KLHDC7B: variants seen among roughly 807,000 people sequenced by gnomAD.
The protein encoded by KLHDC7B is kelch domain containing 7B.
In KLHDC7B, 1 loss-of-function variant was observed where a neutral mutation model predicts 0.6. The ratio of observed to expected loss-of-function variants is 1.71; its 90% CI spans 0.61 to 8.11. The LOEUF (loss-of-function observed/expected upper bound fraction) is 8.11, where lower values mean the gene tolerates loss of function less well. Among genes scored for constraint, KLHDC7B ranks in the 30% most tolerant of loss-of-function variants. The pLI, the probability that KLHDC7B is intolerant of heterozygous loss-of-function variation, is 0.13. For synonymous variants in KLHDC7B, 462 were observed against 405.2 expected, an observed-to-expected ratio of 1.14 and a Z score of -1.68; for missense variants, 993 against 894.9, an observed-to-expected ratio of 1.11 and a Z score of -1.40.
Position 50,548,209 on chromosome 22 carries a change from C to T in KLHDC7B, c.43C>T (p.Gln15Ter). The T allele has an allele frequency of 6.5e-7, 1 of 1,547,486 alleles. No homozygotes were observed. The highest frequency in any genetic ancestry group is 8.7e-7 in the Non-Finnish European group (1 of 1,144,590). Reference sequence around the variant, plus strand: ...CCCCTTCCCCAGGCAAGACAGGCCCCAAGGGAGTGTCCCGAGGGCGGTTCC... The same window carrying T: ...CCCCTTCCCCAGGCAAGACAGGCCCTAAGGGAGTGTCCCGAGGGCGGTTCC... Residue 15 changes from glutamine to a stop codon, truncating the protein, a stop_gained, in exon 1 of 1, where the codon CAA becomes TAA. Transcript: ENST00000395676. LOFTEE classifies it low-confidence loss of function (END_TRUNC). This position sits in a 1 kb window ranked among gnomAD's most constrained non-coding sequence, Gnocchi z 5.3.
Position 50,548,614 on chromosome 22 carries a change from G to T in KLHDC7B, c.2371G>T (p.Ala791Ser), listed in dbSNP as rs2069761939. ...CTCGGAGCAGGAGGTCAGGCCGGCC[G>T]CCTCGGGGGACCCTCAAGGGGAGGC... ...PSSEQEVRPA[A>S]SGDPQGEAPG... Residue 791 changes from alanine to serine, a missense_variant, in exon 1 of 1, where the codon GCC (alanine) becomes TCC (serine). Transcript: ENST00000648057. This position sits in a 1 kb window ranked among gnomAD's most constrained non-coding sequence, Gnocchi z 5.3. 1 of 1,542,788 alleles carries T rather than the reference G, an allele frequency of 6.5e-7. No individual in the cohort carries two copies. Among genetic ancestry groups the T allele is most frequent in the South Asian group, 1.2e-5 (1 of 83,934 alleles).
chr22:50,547,798 G>A lies in KLHDC7B; in HGVS notation c.1555G>A (p.Ala519Thr). ...APTSAPTSTP[A>T]PAPSPAAAAT... ...AACCTCAGCTCCAACTTCAACCCCA[G>A]CCCCAGCCCCAAGTCCAGCTGCAGC... is the stretch of plus-strand genomic sequence containing the variant. Residue 519 changes from alanine to threonine, a missense_variant, in exon 1 of 1, where the codon GCC becomes ACC. Transcript: ENST00000648057. 4.4e-6 allele frequency: 2 copies of A among 454,424 alleles called. No homozygotes were observed. Among genetic ancestry groups the A allele is most frequent in the Non-Finnish European group, 7.7e-6 (2 of 260,164 alleles). The allele number at this position is 454,424 out of a possible 1,614,324, so 28.1% of individuals were successfully genotyped here. A position where few individuals can be genotyped will look rare whatever the true frequency, so the allele number is the denominator to read the frequency against.
chr22:50,546,609 TC>T, upstream of KLHDC7B: 1 of 397,324 alleles, frequency 2.5e-6, no homozygotes, highest in Non-Finnish European at 4.4e-6. Flanking sequence ...TGGCCCGGCT[TC>T]CACTCAAGAC....
At position 50,548,483 on chromosome 22, in the gene KLHDC7B, A is replaced by G; in HGVS notation, c.2240A>G (p.Gln747Arg). 1 of 1,571,806 alleles carries G rather than the reference A, an allele frequency of 6.4e-7. No homozygotes were observed. The highest frequency in any genetic ancestry group is 2.3e-5 in the East Asian group (1 of 43,210). ...PQAAMPRGPA[Q>R]PPAQRPPGPA... ...GCCGCGATGCCCAGGGGCCCCGCAC[A>G]GCCCCCCGCGCAGAGGCCGCCTGGC... Residue 747 changes from glutamine (Q) to arginine (R), a missense_variant, in exon 1 of 1, where the codon CAG (glutamine) becomes CGG (arginine). Physicochemically the swap from Gln to Arg is conservative, Grantham distance 43. Transcript: ENST00000648057. This position sits in a 1 kb window ranked among gnomAD's most constrained non-coding sequence, Gnocchi z 5.3.
chr22:50,546,766 C>T lies in KLHDC7B; in HGVS notation c.523C>T (p.Leu175Phe), dbSNP rs78322592. ...RSEAGGMSAP[L>F]LIHFTPRSPG... The stretch of plus-strand genomic sequence containing the variant: ...CGAAGCAGGGGGGATGTCCGCCCCC[C>T]TCCTGATCCACTTCACTCCTCGGAG... Residue 175 changes from leucine (L) to phenylalanine (F), a missense_variant, in exon 1 of 1, where the codon CTC (leucine) becomes TTC (phenylalanine). Leu to Phe is a conservative substitution (Grantham distance 22). Transcript: ENST00000648057. Among the ~76,000 whole-genome samples, 897 of 152,304 alleles carry T rather than the reference C, an allele frequency of 5.9e-3. 5 individuals are homozygous for T. The highest frequency in any genetic ancestry group is 0.024 in the Middle Eastern group (7 of 294).
At position 50,550,219 on chromosome 22, in the gene KLHDC7B, C is replaced by T; in HGVS notation, c.*268C>T. On this transcript the variant is annotated 3_prime_UTR_variant, in exon 1 of 1. Transcript: ENST00000648057. ...GACCCTCTCAGCTTGCTGACACCCC[C>T]CTGTCTGTGGGACTCCCTATTCCCT... 2.2e-6 allele frequency: 1 copy of T among 448,946 alleles called. No individual in the cohort carries two copies. Among genetic ancestry groups the T allele is most frequent in the African/African-American group, 2.0e-5 (1 of 49,804 alleles). The allele number at this position is 448,946 out of a possible 1,614,324, so 27.8% of individuals were successfully genotyped here.
Position 50,546,742 on chromosome 22 carries a change from G to A in KLHDC7B, c.499G>A (p.Glu167Lys), listed in dbSNP as rs960769542. 1.3e-5 allele frequency among the ~76,000 whole-genome samples: 2 copies of A among 152,164 alleles called. No individual in the cohort carries two copies. The highest frequency in any genetic ancestry group is 2.9e-5 in the Non-Finnish European group (2 of 68,000). The change falls in exon 1 of 1, where the codon GAA becomes AAA. Residue 167 changes from glutamate (E) to lysine (K), a missense_variant. Coordinates refer to ENST00000648057, the MANE Select transcript of KLHDC7B (RefSeq NM_138433.5). ...RPGTALLGRS[E>K]AGGMSAPLLI... ...AGGCACTGCCCTCCTGGGCAGGAGC[G>A]AAGCAGGGGGGATGTCCGCCCCCCT...
chr22:50,549,281 C>T lies in KLHDC7B; in HGVS notation c.3038C>T (p.Ser1013Phe). The T allele has an allele frequency of 6.2e-7, 1 of 1,612,148 alleles. No homozygotes were observed. Among genetic ancestry groups the T allele is most frequent in the South Asian group, 1.1e-5 (1 of 91,078 alleles). Residue 1013 changes from serine to phenylalanine, a missense_variant, in exon 1 of 1, where the codon TCC becomes TTC. Ser to Phe is a radical substitution (Grantham distance 155). Transcript: ENST00000648057. ...GGCTCCGGTGCCAAGGCCGTCTGCTCCAACGAGGTCTTCTGCTACAACCCT... is the reference window on the plus strand; with the variant it reads ...GGCTCCGGTGCCAAGGCCGTCTGCTTCAACGAGGTCTTCTGCTACAACCCT... Reference protein sequence around the residue: ...IRGSGAKAVCSNEVFCYNPLT... With the variant: ...IRGSGAKAVCFNEVFCYNPLT...
rs1162979768 is a variant in KLHDC7B, at chr22:50,548,288, C to T, written c.2045C>T (p.Pro682Leu). The change falls in exon 1 of 1, where the codon CCC becomes CTC. Residue 682 changes from proline (P) to leucine (L), a missense_variant. Coordinates refer to ENST00000648057, the MANE Select transcript of KLHDC7B (RefSeq NM_138433.5). The surrounding 1 kb of genome is among the most constrained non-coding windows in gnomAD (Gnocchi z 5.3). ...TSTHSEDRHG[P>L]SSSVGTVIGT... ...ACACACTCTGAGGACAGACACGGCC[C>T]CTCTTCTTCAGTGGGGACAGTCATA... 1 of 1,551,180 alleles carries T rather than the reference C, an allele frequency of 6.4e-7. No homozygotes were observed. Among genetic ancestry groups the T allele is most frequent in the South Asian group, 1.2e-5 (1 of 84,056 alleles).
Position 50,547,975 on chromosome 22 carries a change from G to A in KLHDC7B, c.1732G>A (p.Ala578Thr), listed in dbSNP as rs13053867. The A allele has an allele frequency of 4.7e-6, 1 of 213,968 alleles. No individual in the cohort carries two copies. The highest frequency in any genetic ancestry group is 6.8e-6 in the Non-Finnish European group (1 of 146,314). The allele number at this position is 213,968 out of a possible 1,614,324, so 13.3% of individuals were successfully genotyped here. A position where few individuals can be genotyped will look rare whatever the true frequency, so the allele number is the denominator to read the frequency against. ...AGCCCTAACCCCAGTCCCAACCCCAGCCCTAAGCCCAGCTCCAACTCCAGC... is the reference window on the plus strand; with the variant it reads ...AGCCCTAACCCCAGTCCCAACCCCAACCCTAAGCCCAGCTCCAACTCCAGC... ...SPALTPVPTP[A>T]LSPAPTPAPT... Residue 578 changes from alanine to threonine, a missense_variant, in exon 1 of 1, where the codon GCC becomes ACC. Transcript: ENST00000648057.
rs755486026 is a variant in KLHDC7B at position 50,549,243 on chromosome 22, G to C, written c.3000G>C (p.Ala1000=). 6.2e-7 allele frequency: 1 copy of C among 1,609,796 alleles called. No homozygotes were observed. The highest frequency in any genetic ancestry group is 8.5e-7 in the Non-Finnish European group (1 of 1,179,942). The change falls in exon 1 of 1, where the codon GCG becomes GCC. Residue 1000 remains alanine, a synonymous_variant. Coordinates refer to ENST00000648057, the MANE Select transcript of KLHDC7B (RefSeq NM_138433.5). The part of the protein sequence containing the change: ...LCTMHNYLFL[A]GGIRGSGAKA... The stretch of plus-strand genomic sequence containing the variant: ...CCATGCACAACTACCTGTTTCTGGC[G>C]GGGGGCATCCGTGGCTCCGGTGCCA...
chr22:50,547,543 G>A lies in KLHDC7B; in HGVS notation c.1300G>A (p.Ala434Thr), dbSNP rs2069745339. The A allele has an allele frequency of 7.5e-6, 3 of 399,036 alleles. No individual in the cohort carries two copies. The highest frequency in any genetic ancestry group is 1.3e-5 in the Non-Finnish European group (3 of 226,294). 24.7% of individuals were successfully genotyped at this position (399,036 alleles called of 1,614,324 possible). Residue 434 changes from alanine to threonine, a missense_variant, in exon 1 of 1, where the codon GCC (alanine) becomes ACC (threonine). Physicochemically the swap from Ala to Thr is moderately conservative, Grantham distance 58 (BLOSUM62 0). Coordinates refer to ENST00000648057, the MANE Select transcript of KLHDC7B (RefSeq NM_138433.5). ...TCCCGGCCCGGGGTTCCCACCTGAAGCCCTGACTCTCCCCTCTCCTTCAGA... is the reference window on the plus strand; with the variant it reads ...TCCCGGCCCGGGGTTCCCACCTGAAACCCTGACTCTCCCCTCTCCTTCAGA... The part of the protein sequence containing the change: ...AAPGPGFPPE[A>T]LTLPSPSDFL...
At position 50,548,515 on chromosome 22, in the gene KLHDC7B, GCCT is replaced by G. The variant is rs781614444; in HGVS notation, c.2280_2282del (p.Ser761del). ...CGCGCAGAGGCCGCCTGGCCCCGCG[GCCT>G]CCTCCTCTGCGAGGCGCTCACAGCC... On this transcript the variant is annotated inframe_deletion, in exon 1 of 1. Transcript: ENST00000648057. The surrounding 1 kb of genome is among the most constrained non-coding windows in gnomAD (Gnocchi z 5.3). The G allele has an allele frequency of 3.9e-6, 6 of 1,555,168 alleles. No individual in the cohort carries two copies. The highest frequency in any genetic ancestry group is 4.3e-6 in the Non-Finnish European group (5 of 1,149,768).
rs1160256268 is a variant in KLHDC7B, at chr22:50,548,123, A to G, written c.1880A>G (p.Tyr627Cys). Residue 627 changes from tyrosine (Y) to cysteine (C), a missense_variant, in exon 1 of 1, where the codon TAC becomes TGC. Physicochemically the swap from Tyr to Cys is radical, Grantham distance 194. Transcript: ENST00000648057. This position sits in a 1 kb window ranked among gnomAD's most constrained non-coding sequence, Gnocchi z 5.3. ...GAGAGTGTGGCTCTCCCCAGGCGCTACCAGGAGGGGCAGGTCTCAGCCAGC... is the reference window on the plus strand; with the variant it reads ...GAGAGTGTGGCTCTCCCCAGGCGCTGCCAGGAGGGGCAGGTCTCAGCCAGC... ...PQESVALPRR[Y>C]QEGQVSASWG... is the part of the protein sequence containing the mutation. 2 of 1,459,150 alleles carry G rather than the reference A, an allele frequency of 1.4e-6. No homozygotes were observed. Among genetic ancestry groups the G allele is most frequent in the Non-Finnish European group, 1.8e-6 (2 of 1,104,968 alleles). 90.4% of individuals were successfully genotyped at this position (1,459,150 alleles called of 1,614,324 possible). A position where few individuals can be genotyped will look rare whatever the true frequency, so the allele number is the denominator to read the frequency against.
In KLHDC7B at chr22:50,549,525, C is replaced by T. The variant is rs375356489; in HGVS notation, c.3282C>T (p.Tyr1094=). The T allele has an allele frequency of 1.6e-5, 25 of 1,608,146 alleles. No homozygotes were observed. The highest frequency in any genetic ancestry group is 1.5e-4 in the African/African-American group (11 of 74,856). Residue 1094 remains tyrosine (Y), a synonymous_variant, in exon 1 of 1, where the codon TAC becomes TAT. Coordinates refer to ENST00000648057, the MANE Select transcript of KLHDC7B (RefSeq NM_138433.5). ...HEAVACRGDI[Y]VTGGHLFYRL... is the part of the protein sequence containing the mutation. ...CTGTGGCCTGCCGTGGGGACATCTA[C>T]GTCACCGGGGGTCACCTCTTCTACC...
In KLHDC7B at chr22:50,549,287, A is replaced by G. The variant is rs1345231416; in HGVS notation, c.3044A>G (p.Glu1015Gly). ...GSGAKAVCSN[E>G]VFCYNPLTNI... ...GGTGCCAAGGCCGTCTGCTCCAACG[A>G]GGTCTTCTGCTACAACCCTCTGACC... Residue 1015 changes from glutamate to glycine, a missense_variant, in exon 1 of 1, where the codon GAG (glutamate) becomes GGG (glycine). By Grantham distance (98) the Glu-to-Gly change is moderately conservative (BLOSUM62 -2). Coordinates refer to ENST00000648057, the MANE Select transcript of KLHDC7B (RefSeq NM_138433.5). 1.9e-6 allele frequency: 3 copies of G among 1,612,274 alleles called. No individual in the cohort carries two copies. The highest frequency in any genetic ancestry group is 1.1e-5 in the South Asian group (1 of 91,072).
In KLHDC7B at chr22:50,549,895, C is replaced by T. The variant is rs755778420; in HGVS notation, c.3652C>T (p.Leu1218Phe). The T allele has an allele frequency of 1.3e-6, 2 of 1,589,702 alleles. No homozygotes were observed. Among genetic ancestry groups the T allele is most frequent in the South Asian group, 1.1e-5 (1 of 88,430 alleles). The change falls in exon 1 of 1, where the codon CTC becomes TTC. Residue 1218 changes from leucine to phenylalanine, a missense_variant. Coordinates refer to ENST00000648057, the MANE Select transcript of KLHDC7B (RefSeq NM_138433.5). ...QPFPLGSTGVLSPFILTLPPE... is the reference protein window; with the variant it reads ...QPFPLGSTGVFSPFILTLPPE... ...CTTCCCCTTGGGGAGCACCGGGGTC[C>T]TCAGTCCATTCATCCTGACTCTGCC...
rs2069730713 is a variant in KLHDC7B at position 50,546,575 on chromosome 22, C to T, written c.332C>T (p.Ala111Val). 1 of 398,354 alleles carries T rather than the reference C, an allele frequency of 2.5e-6. No individual in the cohort carries two copies. The highest frequency in any genetic ancestry group is 4.4e-6 in the Non-Finnish European group (1 of 225,794). The allele number at this position is 398,354 out of a possible 1,614,324, so 24.7% of individuals were successfully genotyped here. ...CAGCAGAGCCCTGTCCCTGCTGCAG[C>T]GCCGGGCGGGGGCCTGGCCGCCATG... is the stretch of plus-strand genomic sequence containing the variant. ...RGQQSPVPAAAPGGGLAAMAR... is the reference protein window; with the variant it reads ...RGQQSPVPAAVPGGGLAAMAR... The change falls in exon 1 of 1, where the codon GCG (alanine) becomes GTG (valine). Residue 111 changes from alanine (A) to valine (V), a missense_variant. Ala to Val is a moderately conservative substitution (Grantham distance 64, BLOSUM62 0). Coordinates refer to ENST00000648057, the MANE Select transcript of KLHDC7B (RefSeq NM_138433.5).
chr22:50,548,723 T>C lies in KLHDC7B; in HGVS notation c.2480T>C (p.Leu827Pro), dbSNP rs761390840. 9 of 1,493,302 alleles carry C rather than the reference T, an allele frequency of 6.0e-6. No homozygotes were observed. In the South Asian group the frequency reaches 1.2e-4, roughly 20 times the overall value. The allele number at this position is 1,493,302 out of a possible 1,614,324, so 92.5% of individuals were successfully genotyped here. ...GAGGCCCGGAAGCTCATGGTGTTTC[T>C]GCAGAGGCCCGGGGGTTGGGGGGTG... ...QEEARKLMVF[L>P]QRPGGWGVVE... The change falls in exon 1 of 1, where the codon CTG becomes CCG. Residue 827 changes from leucine (L) to proline (P), a missense_variant. Physicochemically the swap from Leu to Pro is moderately conservative, Grantham distance 98. Transcript: ENST00000648057. This position sits in a 1 kb window ranked among gnomAD's most constrained non-coding sequence, Gnocchi z 5.3.
Sources: gnomAD v4.1 joint callset for allele counts (sites outside exome capture counted in the v4.1 genomes callset) on GRCh38, gnomAD v4.1.1 for gene constraint, Gnocchi (gnomAD v3.1) non-coding constraint, MANE v1.5 for transcripts, NCBI Gene and HGNC (gene_info 2026-07-23, HGNC 2026-07-21) for gene names.